The following CTNNA3 variants were observed in gnomAD, a reference collection of about 807,000 sequenced individuals.
CTNNA3 encodes the protein catenin alpha 3.
Under a neutral mutation model 95.7 loss-of-function variants are expected in CTNNA3, and 76 were observed. That is an observed-to-expected ratio of 0.79 (90% CI 0.66 to 0.96). CTNNA3 has a LOEUF of 0.96. Among genes scored for constraint, CTNNA3 ranks in the 40% least tolerant of loss-of-function variants. The pLI is 0.00. For synonymous variants in CTNNA3, 431 were observed against 374.4 expected (o/e 1.15, Z -1.74); for missense variants, 1,191 against 1,089.8 (o/e 1.09, Z -1.31).
intron 7 of CTNNA3, among the ~76,000 whole-genome samples, chr10:66,831,002 G>C (rs529357346): frequency 1.6e-4 from 25 of 152,262 alleles, no homozygotes; most frequent in African/African-American, 6.0e-4. Context: ...TTAAATGACA[G>C]CTTTAAAGAC....
At chr10:66,592,868 G>T (rs1296339875) in intron 10 of CTNNA3, among the ~76,000 whole-genome samples, 1 of 152,088 alleles carries the variant, frequency 6.6e-6, no homozygotes, top group African/African-American at 2.4e-5. Context: ...CTTTCATGGA[G>T]GTAGGAGGTA....
chr10:66,664,592 C>T (rs1445420555), intron 9 of CTNNA3, among the ~76,000 whole-genome samples: 1 of 151,892 alleles, frequency 6.6e-6, no homozygotes, highest in Non-Finnish European at 1.5e-5. Flanking sequence ...ATGACTACGA[C>T]AAGCCTGAAA....
At chr10:66,003,920 C>G (rs193048470) in intron 15 of CTNNA3, among the ~76,000 whole-genome samples, 1 of 152,318 alleles carries the variant, frequency 6.6e-6, no homozygotes, top group East Asian at 1.9e-4. Context: ...TGGACATGCC[C>G]ATAATTGCGC....
intron 1 of CTNNA3, among the ~76,000 whole-genome samples, chr10:67,741,128 G>A (rs1443374907): frequency 6.6e-6 from 1 of 150,762 alleles, no homozygotes; most frequent in Middle Eastern, 3.2e-3. Context: ...ATGGACACAG[G>A]AGGGGGAACA....
chr10:65,970,164 T>A (rs781496671), intron 16 of CTNNA3, among the ~76,000 whole-genome samples: 2 of 152,082 alleles, frequency 1.3e-5, no homozygotes, highest in Non-Finnish European at 2.9e-5. Context: ...AAAGTTCATA[T>A]CCCACCAGGC....
chr10:67,251,531 C>A (rs868342496), intron 5 of CTNNA3, among the ~76,000 whole-genome samples: 17 of 152,114 alleles, frequency 1.1e-4, no homozygotes, highest in Admixed American at 5.9e-4. Flanking sequence ...CATACCCATA[C>A]ATATGTCATC....
At chr10:66,464,608 CA>C (rs1236253342) in intron 11 of CTNNA3, among the ~76,000 whole-genome samples, 1 of 151,920 alleles carries the variant, frequency 6.6e-6, no homozygotes, top group East Asian at 1.9e-4. Flanking sequence ...ACTAAAAATA[CA>C]AAAATTAGCT....
intron 16 of CTNNA3, among the ~76,000 whole-genome samples, chr10:65,968,063 C>G (rs145053640): frequency 1.3e-5 from 2 of 152,072 alleles, no homozygotes; most frequent in African/African-American, 2.4e-5. Flanking sequence ...GTAAATATTG[C>G]AATCAAATTC....
intron 7 of CTNNA3, among the ~76,000 whole-genome samples, chr10:67,143,293 G>T (rs1287102747): frequency 1.3e-5 from 2 of 151,774 alleles, no homozygotes; most frequent in African/African-American, 4.8e-5. Flanking sequence ...GTGGTGGCGG[G>T]CGACTGTAAT....
chr10:66,977,423 A>T (rs1307445508), intron 7 of CTNNA3, among the ~76,000 whole-genome samples: 1 of 102,436 alleles, frequency 9.8e-6, no homozygotes, highest in East Asian at 3.2e-4. Flanking sequence ...CGATAGAGTG[A>T]AACTCTGTCT....
chr10:66,701,849 C>G (rs1466114575), intron 9 of CTNNA3, among the ~76,000 whole-genome samples: 3 of 151,890 alleles, frequency 2.0e-5, no homozygotes, highest in Non-Finnish European at 4.4e-5. Flanking sequence ...GAGATGGGAC[C>G]CACGTCTAAA....
intron 1 of CTNNA3, chr10:67,750,256 C>A: frequency 2.7e-6 from 4 of 1,496,322 alleles, no homozygotes; most frequent in Non-Finnish European, 3.7e-6. Flanking sequence ...ACTTCTAGTG[C>A]TCACTCAGAA....
At chr10:67,707,294 T>C (rs1811026866) in intron 1 of CTNNA3, among the ~76,000 whole-genome samples, 1 of 152,196 alleles carries the variant, frequency 6.6e-6, no homozygotes, top group Non-Finnish European at 1.5e-5. Flanking sequence ...CTTGATGATC[T>C]GGCTGTTGTC....
In CTNNA3 at chr10:67,551,142, ACT is replaced by A. The variant is rs1287204258; in HGVS notation, c.293-11475_293-11474del. Among the ~76,000 whole-genome samples the A allele has an allele frequency of 2.6e-5, 4 of 151,794 alleles. No homozygotes were observed. In the South Asian group the frequency reaches 8.3e-4, roughly 32 times the overall value. ...TCCTGTGCCTGTAAAAACTCCCGAGACTCTGGCAGGCAGACACACAAGCGGCT... is the reference window on the plus strand; with the variant it reads ...TCCTGTGCCTGTAAAAACTCCCGAGACTGGCAGGCAGACACACAAGCGGCT... On this transcript the variant is annotated intron_variant, in intron 3 of 17. Transcript: ENST00000433211.
At chr10:66,488,769 A>G (rs1043711119) in intron 11 of CTNNA3, among the ~76,000 whole-genome samples, 6 of 152,196 alleles carry the variant, frequency 3.9e-5, no homozygotes, top group African/African-American at 1.4e-4. Context: ...GAAACATCAT[A>G]GGAGCTAGAG....
chr10:66,791,029 G>A (rs1840946712), intron 7 of CTNNA3, among the ~76,000 whole-genome samples: 1 of 152,030 alleles, frequency 6.6e-6, no homozygotes, highest in Non-Finnish European at 1.5e-5. Flanking sequence ...TGGCCTACCT[G>A]TTACTTTTTA....
At chr10:66,717,394 T>C (rs1421427828) in intron 9 of CTNNA3, among the ~76,000 whole-genome samples, 1 of 152,166 alleles carries the variant, frequency 6.6e-6, no homozygotes, top group Non-Finnish European at 1.5e-5. Flanking sequence ...AACCACGGTT[T>C]CTAGAATTTA....
At chr10:66,914,333 T>C (rs1035495895) in intron 7 of CTNNA3, among the ~76,000 whole-genome samples, 3 of 152,012 alleles carry the variant, frequency 2.0e-5, no homozygotes, top group South Asian at 2.1e-4. Flanking sequence ...GGTTTCACCA[T>C]GTTACCCAGG....
rs555027980 is a variant in CTNNA3, at chr10:66,651,107, AC to A, written c.1282-29324del. ...TGGAAGTCCCCACTAGATTAGCTAG[AC>A]ACAGAGCACTGATTGGTACATTTAC... On this transcript the variant is annotated intron_variant, in intron 9 of 17. Coordinates refer to ENST00000433211, the MANE Select transcript of CTNNA3 (RefSeq NM_013266.4). Among the ~76,000 whole-genome samples the A allele has an allele frequency of 3.3e-5, 5 of 152,284 alleles. No homozygotes were observed. The South Asian group carries it at 1.0e-3, about 32-fold the overall frequency.
Sources: gnomAD v4.1 joint callset for allele counts (sites outside exome capture counted in the v4.1 genomes callset) on GRCh38, gnomAD v4.1.1 for gene constraint, MANE v1.5 for transcripts, NCBI Gene and HGNC (gene_info 2026-07-23, HGNC 2026-07-21) for gene names.